The following SLC17A1 variants were observed in gnomAD, a reference collection of about 807,000 sequenced individuals.
The protein encoded by SLC17A1 is solute carrier family 17 member 1.
Under a neutral mutation model 53.5 loss-of-function variants are expected in SLC17A1, and 51 were observed. The observed-to-expected ratio is 0.95, with a 90% confidence interval of 0.76 to 1.20. The LOEUF (loss-of-function observed/expected upper bound fraction) is 1.20, where lower values mean the gene tolerates loss of function less well. Ranked by LOEUF, SLC17A1 falls within the 50% of genes most tolerant of loss-of-function variation. The probability of loss-of-function intolerance (pLI) is 0.00; values close to 1 mark genes in which losing one functional copy is unlikely to be tolerated. For synonymous variants in SLC17A1, 179 were observed against 198.8 expected (o/e 0.90, Z 0.84); for missense variants, 538 against 568.2 (o/e 0.95, Z 0.54).
intron 3 of SLC17A1, among the ~76,000 whole-genome samples, chr6:25,825,388 A>G (rs2151506420): frequency 6.6e-6 from 1 of 151,816 alleles, no homozygotes; most frequent in South Asian, 2.1e-4. Context: ...ACAGTCTTTC[A>G]GTTTTGTCAA....
intron 10 of SLC17A1, 86 bp downstream of exon 10, chr6:25,811,312 T>G: frequency 1.4e-6 from 2 of 1,380,016 alleles, no homozygotes; most frequent in African/African-American, 2.9e-5. Flanking sequence ...AAAGTATCCA[T>G]ATTTTAAATC....
intron 12 of SLC17A1, among the ~76,000 whole-genome samples, chr6:25,785,560 A>G (rs1321867715): frequency 6.6e-6 from 1 of 152,206 alleles, no homozygotes; most frequent in Non-Finnish European, 1.5e-5. Flanking sequence ...AACGGGAGAA[A>G]CAATTTGCAA....
downstream of SLC17A1, chr6:25,779,520 G>C (rs1763200591): frequency 4.6e-6 from 1 of 218,390 alleles, no homozygotes; most frequent in South Asian, 1.1e-4. Flanking sequence ...AATCACAAGG[G>C]AGTTGCGCCC....
At position 25,793,966 on chromosome 6, in the gene SLC17A1, C is replaced by T. The variant is rs569743154; in HGVS notation, c.*2+4817G>A. Among the ~76,000 whole-genome samples the T allele has an allele frequency of 5.3e-5, 8 of 152,266 alleles. No homozygotes were observed. The East Asian group carries it at 9.6e-4, about 18-fold the overall frequency. ...CAAAATAGAGCCAAGCAGTCATTTG[C>T]GACTGGAGGTCACACACGCACTTTG... On this transcript the variant is annotated intron_variant, in intron 12 of 12. Transcript: ENST00000244527.
At chr6:25,759,961 T>A in the SLC17A1 span, among the ~76,000 whole-genome samples, 3 of 152,246 alleles carry the variant, frequency 2.0e-5, no homozygotes, top group Non-Finnish European at 4.4e-5. Context: ...AATATTGCTT[T>A]AAGGAATGTC....
At position 25,813,115 on chromosome 6, in the gene SLC17A1, T is replaced by C. The variant is rs61447697; in HGVS notation, c.715A>G (p.Thr239Ala). The C allele has an allele frequency of 1.9e-6, 3 of 1,614,080 alleles. No individual in the cohort carries two copies. The African/African-American group carries it at 4.0e-5, about 22-fold the overall frequency. ...TCTACCTGCTGGACCAGGGAGGATG[T>C]GATGTATTCCTTTTCACTGATGCTT... ...CISISEKEYI[T>A]SSLVQQVSSS... is the part of the protein sequence containing the mutation. The change falls in exon 7 of 13, where the codon ACA (threonine) becomes GCA (alanine). Residue 239 changes from threonine (T) to alanine (A), a missense_variant. Coordinates refer to ENST00000244527, the MANE Select transcript of SLC17A1 (RefSeq NM_005074.5).
chr6:25,806,604 G>A (rs1853590), intron 10 of SLC17A1, among the ~76,000 whole-genome samples: 2,850 of 152,004 alleles, frequency 0.019, 79 homozygotes, highest in African/African-American at 0.061. Context: ...AAACTCTTCT[G>A]GACATTGGCC....
At chr6:25,755,815 G>A in the SLC17A1 span, among the ~76,000 whole-genome samples, 557 of 152,236 alleles carry the variant, frequency 3.7e-3, 2 homozygotes, top group African/African-American at 0.013. Context: ...CTTTTCCTCT[G>A]GAACCTGTTG....
the SLC17A1 span, chr6:25,770,096 C>A: frequency 6.2e-7 from 1 of 1,614,034 alleles, no homozygotes; most frequent in East Asian, 2.2e-5. Context: ...GTCCTGAAAT[C>A]CAGGGAATCA....
At chr6:25,750,816 AT>A in the SLC17A1 span, among the ~76,000 whole-genome samples, 26 of 152,094 alleles carry the variant, frequency 1.7e-4, no homozygotes, top group Middle Eastern at 3.4e-3. Context: ...TTTTAAAAAA[AT>A]TTTTTTTGTC....
chr6:25,726,214 TG>T, the SLC17A1 span: 1 of 1,611,522 alleles, frequency 6.2e-7, no homozygotes, highest in Admixed American at 1.7e-5. Context: ...GACTCCGCCC[TG>T]GGCAATGGTC....
Position 25,811,476 on chromosome 6 carries a change from A to G in SLC17A1, c.1100T>C (p.Ile367Thr), listed in dbSNP as rs982501803. The G allele has an allele frequency of 3.7e-6, 6 of 1,613,932 alleles. No individual in the cohort carries two copies. The highest frequency in any genetic ancestry group is 5.1e-6 in the Non-Finnish European group (6 of 1,179,936). The change falls in exon 10 of 13, where the codon ATT (isoleucine) becomes ACT (threonine). Residue 367 changes from isoleucine to threonine, a missense_variant. Physicochemically the swap from Ile to Thr is moderately conservative, Grantham distance 89 (BLOSUM62 -1). Transcript: ENST00000244527. ...TGTTGCACCAGCAAGTATTAGGAAAATGACAATGCTGTAGAAGGTGGAACT... is the reference window on the plus strand; with the variant it reads ...TGTTGCACCAGCAAGTATTAGGAAAGTGACAATGCTGTAGAAGGTGGAACT... ...YLSSTFYSIV[I>T]FLILAGATGS...
the SLC17A1 span, among the ~76,000 whole-genome samples, chr6:25,755,623 G>GT: frequency 6.6e-6 from 1 of 152,118 alleles, no homozygotes; most frequent in Non-Finnish European, 1.5e-5. Context: ...TTTCTTTGCT[G>GT]TTTTTTCCTC....
the SLC17A1 span, among the ~76,000 whole-genome samples, chr6:25,744,038 G>A: frequency 6.6e-6 from 1 of 152,296 alleles, no homozygotes; most frequent in South Asian, 2.1e-4. Flanking sequence ...AGATAGAAGA[G>A]AGTCATTGAA....
chr6:25,727,901 C>T, the SLC17A1 span, among the ~76,000 whole-genome samples: 38 of 151,864 alleles, frequency 2.5e-4, no homozygotes, highest in Non-Finnish European at 4.3e-4. Context: ...ACTGTAGTCC[C>T]AGCTAATTGG....
chr6:25,744,767 T>A, the SLC17A1 span, among the ~76,000 whole-genome samples: 1 of 152,192 alleles, frequency 6.6e-6, no homozygotes, highest in Non-Finnish European at 1.5e-5. Context: ...ACAACCACTA[T>A]AAATTAGGAC....
chr6:25,725,581 C>T, the SLC17A1 span, among the ~76,000 whole-genome samples: 2 of 152,118 alleles, frequency 1.3e-5, no homozygotes, highest in Non-Finnish European at 1.5e-5. Context: ...CATGTGTAAC[C>T]CTTAACATAA....
intron 10 of SLC17A1, among the ~76,000 whole-genome samples, chr6:25,805,679 T>C (rs899051284): frequency 6.6e-6 from 1 of 151,826 alleles, no homozygotes; most frequent in Non-Finnish European, 1.5e-5. Flanking sequence ...GAAATGAAAT[T>C]GGAGACATTG....
the SLC17A1 span, among the ~76,000 whole-genome samples, chr6:25,756,644 T>C: frequency 0.011 from 1,704 of 152,226 alleles, 18 homozygotes; most frequent in Non-Finnish European, 0.016. Flanking sequence ...GCAAAACCAT[T>C]ATCGCCTGTT....
Sources: allele counts gnomAD v4.1 joint callset (sites outside exome capture counted in the v4.1 genomes callset), GRCh38; gene constraint gnomAD v4.1.1; transcripts MANE v1.5; gene names NCBI Gene and HGNC (gene_info 2026-07-23, HGNC 2026-07-21).